Variants in DNA2 observed in about 807,000 individuals in gnomAD.
The protein encoded by DNA2 is DNA replication helicase/nuclease 2, also known as DNA replication ATP-dependent helicase/nuclease DNA2.
Under a neutral mutation model 119.1 loss-of-function variants are expected in DNA2, and 101 were observed. That is an observed-to-expected ratio of 0.85 (90% CI 0.72 to 1.00). The LOEUF (loss-of-function observed/expected upper bound fraction) is 1.00. DNA2 is among the 50% of genes least tolerant of loss of function. The probability of loss-of-function intolerance (pLI) is 0.00; values close to 1 mark genes in which losing one functional copy is unlikely to be tolerated. For missense variants in DNA2, 1,121 were observed against 1,255.5 expected (o/e 0.89, Z 1.62); for synonymous variants, 366 against 424.4 (o/e 0.86, Z 1.69).
rs1341466547 is a variant in DNA2, at chr10:68,468,249, A to C, written c.315T>G (p.Ser105=). The stretch of plus-strand genomic sequence containing the variant: ...AATCTTTATCTATTATCCAAGTGTC[A>C]GATGTGCAGTCTCCCTCCAAATGAA... ...DIIHLEGDCT[S]DTWIIDKDFG... Residue 105 remains serine, a synonymous_variant, in exon 3 of 21, where the codon TCT becomes TCG. Coordinates refer to ENST00000358410, the MANE Select transcript of DNA2 (RefSeq NM_001080449.3). 6.2e-7 allele frequency: 1 copy of C among 1,611,202 alleles called. No individual in the cohort carries two copies. The highest frequency in any genetic ancestry group is 1.7e-5 in the Admixed American group (1 of 59,580).
At chr10:68,458,490 T>A (rs1249852026) in intron 5 of DNA2, among the ~76,000 whole-genome samples, 1 of 143,214 alleles carries the variant, frequency 7.0e-6, no homozygotes, top group Non-Finnish European at 1.5e-5. Flanking sequence ...GCCGAAATCA[T>A]GCCACTGCAC....
At chr10:68,416,316 A>C (rs2051588676) in intron 20 of DNA2, among the ~76,000 whole-genome samples, 1 of 152,018 alleles carries the variant, frequency 6.6e-6, no homozygotes, top group Non-Finnish European at 1.5e-5. Flanking sequence ...AAATACAAAA[A>C]TTAGCTGGGC....
rs192188894 is a variant in DNA2, at chr10:68,467,285, G to A, written c.441+838C>T. Among the ~76,000 whole-genome samples, 637 of 152,010 alleles carry A rather than the reference G, an allele frequency of 4.2e-3. 3 individuals are homozygous for A. Among genetic ancestry groups the A allele is most frequent in the Non-Finnish European group, 4.9e-3 (334 of 67,964 alleles). On this transcript the variant is annotated intron_variant, in intron 3 of 20. Coordinates refer to ENST00000358410, the MANE Select transcript of DNA2 (RefSeq NM_001080449.3). ...ACCACAACGCCCGGCTAATTTTTGT[G>A]TATTTAGTAGAGACTGGTTTTCATC...
At chr10:68,457,943 T>G (rs904722095) in intron 5 of DNA2, among the ~76,000 whole-genome samples, 4 of 151,640 alleles carry the variant, frequency 2.6e-5, no homozygotes, top group African/African-American at 9.7e-5. Flanking sequence ...GAGGCCAAGG[T>G]GGGAGGATCA....
At chr10:68,424,831 A>T in intron 14 of DNA2, 2 of 896,426 alleles carry the variant, frequency 2.2e-6, no homozygotes, top group South Asian at 2.6e-5. Context: ...GAGTAGGCCA[A>T]CAGCACAACC....
rs527386051 is a variant in DNA2, at chr10:68,458,119, G to A, written c.719+985C>T. Among the ~76,000 whole-genome samples the A allele has an allele frequency of 5.3e-5, 8 of 151,976 alleles. No homozygotes were observed. The East Asian group carries it at 1.5e-3, about 29-fold the overall frequency. On this transcript the variant is annotated intron_variant, in intron 5 of 20. Transcript: ENST00000358410. ...ACCCAGGAGGTGGAGGTTGCAGTGA[G>A]CAGAGATCACACCATTGCACTCCAG...
chr10:68,438,424 C>A (rs963266237), intron 9 of DNA2, among the ~76,000 whole-genome samples: 1 of 150,450 alleles, frequency 6.6e-6, no homozygotes, highest in Non-Finnish European at 1.5e-5. Flanking sequence ...GAGGCAGAGG[C>A]AGGAGAATCA....
chr10:68,429,727 A>G (rs1167660720), intron 14 of DNA2, among the ~76,000 whole-genome samples: 2 of 147,950 alleles, frequency 1.4e-5, no homozygotes, highest in African/African-American at 2.5e-5. Flanking sequence ...AAAAAAAAAA[A>G]AAAAGAAAAA....
Position 68,422,581 on chromosome 10 carries a change from A to G in DNA2, c.2426T>C (p.Leu809Ser). 6.2e-7 allele frequency: 1 copy of G among 1,614,050 alleles called. No individual in the cohort carries two copies. The highest frequency in any genetic ancestry group is 8.5e-7 in the Non-Finnish European group (1 of 1,179,892). ...CTTATTCTGCTCCAGCCTCTTGAAT[A>G]AGCTTTCACTCATGCCAAGAGCTCT... ...EARALGMSES[L>S]FKRLEQNKSA... is the part of the protein sequence containing the mutation. The change falls in exon 16 of 21, where the codon TTA becomes TCA. Residue 809 changes from leucine (L) to serine (S), a missense_variant. Physicochemically the swap from Leu to Ser is moderately radical, Grantham distance 145. Transcript: ENST00000358410.
intron 1 of DNA2, among the ~76,000 whole-genome samples, chr10:68,470,916 C>T (rs1484540647): frequency 6.6e-6 from 1 of 152,184 alleles, no homozygotes; most frequent in Admixed American, 6.5e-5. Context: ...TTAGCTCAAT[C>T]CTTTACAGAG....
At chr10:68,424,706 C>T in intron 14 of DNA2, 1 of 1,605,008 alleles carries the variant, frequency 6.2e-7, no homozygotes, top group Non-Finnish European at 8.5e-7. Context: ...CCACACCCAT[C>T]CGCAAGGACG....
chr10:68,450,934 A>G (rs2052109108), intron 5 of DNA2, among the ~76,000 whole-genome samples: 1 of 152,088 alleles, frequency 6.6e-6, no homozygotes, highest in South Asian at 2.1e-4. Context: ...CCCTGTCTCA[A>G]TTAAAAAAAT....
chr10:68,460,469 G>A (rs550263149), intron 4 of DNA2, among the ~76,000 whole-genome samples: 4 of 150,814 alleles, frequency 2.7e-5, no homozygotes, highest in South Asian at 2.1e-4. Flanking sequence ...CCAGGCTGGC[G>A]CGATCTCTAC....
intron 5 of DNA2, among the ~76,000 whole-genome samples, chr10:68,451,218 T>C (rs963313152): frequency 1.3e-5 from 2 of 152,072 alleles, no homozygotes; most frequent in Non-Finnish European, 2.9e-5. Context: ...AAGGAGCTCA[T>C]GGTCACTTCC....
chr10:68,430,758 G>T, intron 13 of DNA2, 98 bp from the exon 14 acceptor site: 1 of 928,488 alleles, frequency 1.1e-6, no homozygotes, highest in Non-Finnish European at 1.6e-6. Context: ...ATATCTAAGA[G>T]CTGAGCCAAG....
At chr10:68,470,760 A>C (rs1590079920) in intron 1 of DNA2, 1 of 330,430 alleles carries the variant, frequency 3.0e-6, no homozygotes, top group Non-Finnish European at 5.9e-6. Context: ...TGTTACGGAA[A>C]AGGGTATTGT....
In DNA2 at chr10:68,460,028, A is replaced by AATACAAACACACAC. The variant is rs1306513346; in HGVS notation, c.588-794_588-793insGTGTGTGTTTGTAT. ...GGCAAGAGAGCAAGACTCCATCACA[A>AATACAAACACACAC]ATACACACACACACACACACACACA... On this transcript the variant is annotated intron_variant, in intron 4 of 20. Coordinates refer to ENST00000358410, the MANE Select transcript of DNA2 (RefSeq NM_001080449.3). Among the ~76,000 whole-genome samples the AATACAAACACACAC allele has an allele frequency of 5.3e-5, 4 of 75,546 alleles. No homozygotes were observed. The Admixed American group carries it at 6.0e-4, about 11-fold the overall frequency. The allele number at this position is 75,546 out of a possible 152,430, so 49.6% of individuals were successfully genotyped here. A position where few individuals can be genotyped will look rare whatever the true frequency, so the allele number is the denominator to read the frequency against.
chr10:68,470,186 T>C, intron 1 of DNA2, 23 bp from the exon 2 acceptor site: 1 of 1,562,024 alleles, frequency 6.4e-7, no homozygotes, highest in South Asian at 1.2e-5. Flanking sequence ...CATACAAAAC[T>C]ATTTTAGCAC....
chr10:68,448,579 A>G (rs894181977), intron 6 of DNA2, among the ~76,000 whole-genome samples: 1 of 152,118 alleles, frequency 6.6e-6, no homozygotes, highest in Non-Finnish European at 1.5e-5. Context: ...GTTCTAGCAA[A>G]TTTCCTCATT....
Sources: gnomAD v4.1 joint callset for allele counts (sites outside exome capture counted in the v4.1 genomes callset) on GRCh38, gnomAD v4.1.1 for gene constraint, MANE v1.5 for transcripts, NCBI Gene and HGNC (gene_info 2026-07-23, HGNC 2026-07-21) for gene names.